The following AK3 variants were observed in gnomAD, a reference collection of about 807,000 sequenced individuals.
The protein encoded by AK3 is adenylate kinase 3.
AK3 carries 27 observed loss-of-function variants against 23.7 expected under a neutral mutation model. The ratio of observed to expected loss-of-function variants is 1.14; its 90% CI spans 0.84 to 1.57. The LOEUF (loss-of-function observed/expected upper bound fraction) is 1.57, where lower values mean the gene tolerates loss of function less well. AK3 is among the 40% of genes most tolerant of loss of function. The pLI is 0.00. For synonymous variants in AK3, 159 were observed against 116.0 expected, an observed-to-expected ratio of 1.37 and a Z score of -2.38; for missense variants, 406 against 285.6, an observed-to-expected ratio of 1.42 and a Z score of -3.04.
intron 1 of AK3, among the ~76,000 whole-genome samples, chr9:4,739,729 G>A (rs948490870): frequency 4.0e-5 from 6 of 151,722 alleles, no homozygotes; most frequent in African/African-American, 9.7e-5. Context: ...CAGGAGATGG[G>A]GACCAGCCTG....
chr9:4,716,476 A>T (rs1841727881), intron 4 of AK3, among the ~76,000 whole-genome samples: 2 of 152,244 alleles, frequency 1.3e-5, no homozygotes, highest in African/African-American at 4.8e-5. Context: ...CTGATTTTAC[A>T]AATAAGGGAT....
intron 1 of AK3, 28 bp from the exon 2 acceptor site, chr9:4,722,653 T>A: frequency 6.2e-7 from 1 of 1,614,032 alleles, no homozygotes; most frequent in Non-Finnish European, 8.5e-7. Context: ...AAAAAATCAG[T>A]AAGTGCATTT....
intron 1 of AK3, among the ~76,000 whole-genome samples, chr9:4,739,774 A>G (rs938279597): frequency 7.2e-5 from 11 of 152,102 alleles, no homozygotes; most frequent in Admixed American, 2.0e-4. Flanking sequence ...TACTAAAAAT[A>G]CAAAAAATTA....
At chr9:4,719,735 G>A (rs941057878) in intron 2 of AK3, among the ~76,000 whole-genome samples, 25 of 152,148 alleles carry the variant, frequency 1.6e-4, no homozygotes, top group Admixed American at 3.9e-4. Flanking sequence ...GACTTTTCCC[G>A]CCTTTAAACT....
intron 1 of AK3, among the ~76,000 whole-genome samples, chr9:4,730,358 T>C (rs385952): frequency 6.6e-6 from 1 of 152,136 alleles, no homozygotes; most frequent in Admixed American, 6.5e-5. Flanking sequence ...CAGATTTTGT[T>C]TTTTAAAAAA....
At position 4,710,120 on chromosome 9, in the gene AK3, G is replaced by C. The variant is rs1486181419; in HGVS notation, c.*2856C>G. The C allele has an allele frequency of 2.6e-5, 4 of 152,156 alleles. No homozygotes were observed. Among genetic ancestry groups the C allele is most frequent in the Admixed American group, 6.5e-5 (1 of 15,268 alleles). The allele number at this position is 152,156 out of a possible 1,614,324, so 9.4% of individuals were successfully genotyped here. A position where few individuals can be genotyped will look rare whatever the true frequency, so the allele number is the denominator to read the frequency against. ...TTCTGGATGGTGCTAACAACTGCTAGTTTGCATTTCCCACAGTACACGCTG... is the reference window on the plus strand; with the variant it reads ...TTCTGGATGGTGCTAACAACTGCTACTTTGCATTTCCCACAGTACACGCTG... On this transcript the variant is annotated 3_prime_UTR_variant, in exon 5 of 5. Coordinates refer to ENST00000381809, the MANE Select transcript of AK3 (RefSeq NM_016282.4).
At chr9:4,736,798 C>G (rs942456929) in intron 1 of AK3, among the ~76,000 whole-genome samples, 5 of 151,788 alleles carry the variant, frequency 3.3e-5, no homozygotes, top group African/African-American at 1.2e-4. Context: ...TCGCCTCAGC[C>G]TCTCAGAGAG....
At chr9:4,735,485 T>C (rs1206841315) in intron 1 of AK3, among the ~76,000 whole-genome samples, 1 of 126,760 alleles carries the variant, frequency 7.9e-6, no homozygotes, top group African/African-American at 2.8e-5. Context: ...TATATTTTTT[T>C]TTTTTTTTTG....
Position 4,741,030 on chromosome 9 carries a change from T to A in AK3, c.58A>T (p.Lys20Ter). ...GTGATGCGCGACGACACGGTGCCCT[T>A]GCCCGAGCCCGGGGCCCCCATGATC... Reference protein sequence around the residue: ...AVIMGAPGSGKGTVSSRITTH... With the variant: ...AVIMGAPGSG The change falls in exon 1 of 5, where the codon AAG (lysine) becomes TAG (stop). Residue 20 changes from lysine (K) to a stop codon, truncating the protein, a stop_gained. Coordinates refer to ENST00000381809, the MANE Select transcript of AK3 (RefSeq NM_016282.4). LOFTEE classifies it high-confidence loss of function. 1 of 1,584,502 alleles carries A rather than the reference T, an allele frequency of 6.3e-7. No homozygotes were observed. Among genetic ancestry groups the A allele is most frequent in the Non-Finnish European group, 8.6e-7 (1 of 1,167,748 alleles).
chr9:4,717,998 C>T lies in AK3; in HGVS notation c.563+421G>A, dbSNP rs1841783565. Among the ~76,000 whole-genome samples, 4 of 152,194 alleles carry T rather than the reference C, an allele frequency of 2.6e-5. No individual in the cohort carries two copies. The South Asian group carries it at 8.3e-4, about 32-fold the overall frequency. On this transcript the variant is annotated intron_variant, in intron 4 of 4. Transcript: ENST00000381809. ...GACTGGTTCTGCAGTAGGCAGTAAC[C>T]CAAGCCTGTAACAGTTAGTGCCAGG...
chr9:4,715,334 G>T (rs1347539060), intron 4 of AK3, among the ~76,000 whole-genome samples: 1 of 150,280 alleles, frequency 6.7e-6, no homozygotes, highest in African/African-American at 2.4e-5. Flanking sequence ...TATCTCCTAA[G>T]ACAGGGGCCC....
Position 4,740,963 on chromosome 9 carries a change from A to G in AK3, c.125T>C (p.Leu42Pro), listed in dbSNP as rs1294995595. ...TGTGCCCCGCAGCATGTTGTCCCGG[A>G]GCAGGTCCCCGCTGGAGAGGTGCTT... ...ELKHLSSGDL[L>P]RDNMLRGTEI... Residue 42 changes from leucine to proline, a missense_variant, in exon 1 of 5, where the codon CTC (leucine) becomes CCC (proline). By Grantham distance (98) the Leu-to-Pro change is moderately conservative. Coordinates refer to ENST00000381809, the MANE Select transcript of AK3 (RefSeq NM_016282.4). 2 of 1,583,144 alleles carry G rather than the reference A, an allele frequency of 1.3e-6. No homozygotes were observed. Among genetic ancestry groups the G allele is most frequent in the Non-Finnish European group, 8.6e-7 (1 of 1,167,114 alleles).
In AK3 at chr9:4,713,095, T is replaced by C; in HGVS notation, c.565A>G (p.Lys189Glu). 6.2e-7 allele frequency: 1 copy of C among 1,613,368 alleles called. No homozygotes were observed. The highest frequency in any genetic ancestry group is 8.5e-7 in the Non-Finnish European group (1 of 1,179,598). Residue 189 changes from lysine to glutamate, a missense_variant and splice_region_variant, in exon 5 of 5, where the codon AAA (lysine) becomes GAA (glutamate). Transcript: ENST00000381809. ...GAGAATGTTTCCAGCACCCCTTTTT[T>C]CCTAAAGATGAAACAAAAACAAAAC... is the stretch of plus-strand genomic sequence containing the variant. ...QTKPVLEYYQ[K>E]KGVLETFSGT...
Position 4,711,518 on chromosome 9 carries a change from T to C in AK3, c.*1458A>G, listed in dbSNP as rs1295435602. 6.6e-6 allele frequency: 1 copy of C among 152,500 alleles called. No individual in the cohort carries two copies. The highest frequency in any genetic ancestry group is 2.4e-5 in the African/African-American group (1 of 41,414). 9.4% of individuals were successfully genotyped at this position (152,500 alleles called of 1,614,324 possible). The stretch of plus-strand genomic sequence containing the variant: ...TCAGAAGAAAAGGGAAATAAAATTT[T>C]CCCCCCAAAACACATAAGAACCACT... On this transcript the variant is annotated 3_prime_UTR_variant, in exon 5 of 5. Transcript: ENST00000381809.
rs773912544 is a variant in AK3 at position 4,722,617 on chromosome 9, C to G, written c.160G>C (p.Val54Leu). Reference protein sequence around the residue: ...DNMLRGTEIGVLAKAFIDQGK... With the variant: ...DNMLRGTEIGLLAKAFIDQGK... ...TGGTCAATGAAAGCCTTGGCTAACACGCCAATTTCTACAGCAAAGCGGGGA... is the reference window on the plus strand; with the variant it reads ...TGGTCAATGAAAGCCTTGGCTAACAGGCCAATTTCTACAGCAAAGCGGGGA... Residue 54 changes from valine to leucine, a missense_variant, in exon 2 of 5, where the codon GTG becomes CTG. Physicochemically the swap from Val to Leu is conservative, Grantham distance 32 (BLOSUM62 1). Transcript: ENST00000381809. 1.9e-6 allele frequency: 3 copies of G among 1,614,110 alleles called. No individual in the cohort carries two copies. The highest frequency in any genetic ancestry group is 4.5e-5 in the East Asian group (2 of 44,880).
chr9:4,726,189 C>T (rs1418966406), intron 1 of AK3, among the ~76,000 whole-genome samples: 2 of 152,276 alleles, frequency 1.3e-5, no homozygotes, highest in Non-Finnish European at 1.5e-5. Flanking sequence ...TGGCTGATGG[C>T]TGCTGACTGA....
At chr9:4,717,685 A>T (rs954308060) in intron 4 of AK3, among the ~76,000 whole-genome samples, 1 of 152,238 alleles carries the variant, frequency 6.6e-6, no homozygotes, top group Admixed American at 6.5e-5. Flanking sequence ...TTTCAATTTC[A>T]GTACAATATT....
rs1841926036 is a variant in AK3, at chr9:4,722,533, G to C, written c.244C>G (p.Leu82Val). ...TCCAACAGCCAGCTATACTGGGTGA[G>C]ATTTTTCAGCTCATGAAGGGCCAGC... ...TRLALHELKN[L>V]TQYSWLLDGF... The change falls in exon 2 of 5, where the codon CTC (leucine) becomes GTC (valine). Residue 82 changes from leucine (L) to valine (V), a missense_variant. Physicochemically the swap from Leu to Val is conservative, Grantham distance 32. Coordinates refer to ENST00000381809, the MANE Select transcript of AK3 (RefSeq NM_016282.4). The C allele has an allele frequency of 6.2e-7, 1 of 1,614,158 alleles. No individual in the cohort carries two copies. The highest frequency in any genetic ancestry group is 8.5e-7 in the Non-Finnish European group (1 of 1,180,034).
Position 4,719,175 on chromosome 9 carries a change from C to T in AK3, c.404G>A (p.Gly135Asp). 1.2e-6 allele frequency: 2 copies of T among 1,611,840 alleles called. No individual in the cohort carries two copies. Among genetic ancestry groups the T allele is most frequent in the Non-Finnish European group, 1.7e-6 (2 of 1,179,824 alleles). The change falls in exon 3 of 5, where the codon GGC becomes GAC. Residue 135 changes from glycine to aspartate, a missense_variant. Coordinates refer to ENST00000381809, the MANE Select transcript of AK3 (RefSeq NM_016282.4). ...GTTGAATTCAATGTTATAGACTCGG[C>T]CACTGGCGGGATGAATCCAGCGAGC... ...LTARWIHPAS[G>D]RVYNIEFNPP... is the part of the protein sequence containing the mutation.
Sources: allele counts gnomAD v4.1 joint callset (sites outside exome capture counted in the v4.1 genomes callset), GRCh38; gene constraint gnomAD v4.1.1; transcripts MANE v1.5; gene names NCBI Gene and HGNC (gene_info 2026-07-23, HGNC 2026-07-21).